Variants in PCDHGA4 observed in about 807,000 individuals in gnomAD.
PCDHGA4 encodes the protein protocadherin gamma-A4.
In PCDHGA4, 38 loss-of-function variants were observed where a neutral mutation model predicts 54.6. The ratio of observed to expected loss-of-function variants is 0.70; its 90% confidence interval spans 0.54 to 0.91. The LOEUF (loss-of-function observed/expected upper bound fraction) is 0.91, where lower values mean the gene tolerates loss of function less well. Ranked by LOEUF, PCDHGA4 falls within the 40% of genes least tolerant of loss-of-function variation. PCDHGA4 has a pLI of 0.00. For synonymous variants in PCDHGA4, 511 were observed against 512.9 expected (o/e 1.00, Z 0.05); for missense variants, 1,298 against 1,220.9 (o/e 1.06, Z -0.94).
In PCDHGA4 at chr5:141,486,092, C is replaced by A; in HGVS notation, c.2515-8715C>A. Reference sequence around the variant, plus strand: ...TACTGGAAAGCTTACTCTTTTGGGGCCCCTAGACTTTGAGAGTGAGAATTA... The same window carrying A: ...TACTGGAAAGCTTACTCTTTTGGGGACCCTAGACTTTGAGAGTGAGAATTA... On this transcript the variant is annotated intron_variant, in intron 1 of 3. Coordinates refer to ENST00000571252, the MANE Select transcript of PCDHGA4 (RefSeq NM_018917.4). The surrounding 1 kb of genome is among the most constrained non-coding windows in gnomAD (Gnocchi z 5.0). 1.9e-6 allele frequency: 3 copies of A among 1,614,148 alleles called. No individual in the cohort carries two copies. Among genetic ancestry groups the A allele is most frequent in the Non-Finnish European group, 2.5e-6 (3 of 1,180,008 alleles).
chr5:141,485,680 C>T lies in PCDHGA4; in HGVS notation c.2515-9127C>T. The T allele has an allele frequency of 6.2e-7, 1 of 1,613,966 alleles. No individual in the cohort carries two copies. Among genetic ancestry groups the T allele is most frequent in the South Asian group, 1.1e-5 (1 of 91,066 alleles). The stretch of plus-strand genomic sequence containing the variant: ...ATGTGGGGAGCAATTCGATTAGCAG[C>T]TATAGGCTGAGCTCCAATGAACACT... On this transcript the variant is annotated intron_variant, in intron 1 of 3. Coordinates refer to ENST00000571252, the MANE Select transcript of PCDHGA4 (RefSeq NM_018917.4). The surrounding 1 kb of genome is among the most constrained non-coding windows in gnomAD (Gnocchi z 5.7).
chr5:141,391,780 T>C (rs1004185174), intron 1 of PCDHGA4: 1 of 152,220 alleles, frequency 6.6e-6, no homozygotes, highest in Non-Finnish European at 1.5e-5. Context: ...TAGTCATTAC[T>C]TTTTGCAGTT....
At chr5:141,468,849 G>C (rs1349849817) in intron 1 of PCDHGA4, among the ~76,000 whole-genome samples, 2 of 152,058 alleles carry the variant, frequency 1.3e-5, no homozygotes, top group East Asian at 3.9e-4. Flanking sequence ...CTGGGCAACA[G>C]AGCGAGACTC....
intron 1 of PCDHGA4, chr5:141,390,073 G>C: frequency 6.2e-7 from 1 of 1,614,074 alleles, no homozygotes; most frequent in Non-Finnish European, 8.5e-7. Context: ...CCTGGTCTCT[G>C]TGTTAAATCC....
chr5:141,465,801 C>T (rs1380215288), intron 1 of PCDHGA4, among the ~76,000 whole-genome samples: 2 of 151,400 alleles, frequency 1.3e-5, no homozygotes, highest in Non-Finnish European at 2.9e-5. Context: ...TTAAGAAACC[C>T]TTCAGGATCT....
At chr5:141,452,760 G>C (rs920853226) in intron 1 of PCDHGA4, among the ~76,000 whole-genome samples, 1 of 152,120 alleles carries the variant, frequency 6.6e-6, no homozygotes, top group African/African-American at 2.4e-5. Context: ...AAGGAAGGGA[G>C]GGAGGGAAAA....
Position 141,355,852 on chromosome 5 carries a change from G to A in PCDHGA4, c.745G>A (p.Gly249Ser), listed in dbSNP as rs769137645. 1 of 1,612,424 alleles carries A rather than the reference G, an allele frequency of 6.2e-7. No homozygotes were observed. Among genetic ancestry groups the A allele is most frequent in the South Asian group, 1.1e-5 (1 of 90,820 alleles). ...HHLVLTAFDG[G>S]DPVRSGTARI... is the part of the protein sequence containing the mutation. ...CCTCGTTCTCACGGCCTTCGATGGA[G>A]GTGACCCGGTTCGCTCTGGCACTGC... is the stretch of plus-strand genomic sequence containing the variant. Residue 249 changes from glycine to serine, a missense_variant, in exon 1 of 4, where the codon GGT becomes AGT. Transcript: ENST00000571252.
intron 1 of PCDHGA4, among the ~76,000 whole-genome samples, chr5:141,488,839 G>A (rs954244872): frequency 2.6e-5 from 4 of 152,206 alleles, no homozygotes; most frequent in African/African-American, 9.6e-5. Flanking sequence ...CAAGGGGGCT[G>A]AATCAACCTG....
intron 1 of PCDHGA4, chr5:141,422,122 A>G (rs758254144): frequency 6.2e-7 from 1 of 1,601,596 alleles, no homozygotes; most frequent in African/African-American, 1.4e-5. Context: ...GGATTCACAA[A>G]CTGGAGAAGT....
chr5:141,483,289 A>G (rs1446467890), intron 1 of PCDHGA4, among the ~76,000 whole-genome samples: 3 of 152,194 alleles, frequency 2.0e-5, no homozygotes, highest in Admixed American at 2.0e-4. Flanking sequence ...TCTGTCAGTC[A>G]TAAGTGAAGG....
At chr5:141,376,108 G>A (rs368739165) in intron 1 of PCDHGA4, 172 of 1,613,770 alleles carry the variant, frequency 1.1e-4, no homozygotes, top group Middle Eastern at 1.0e-3. Context: ...TGGCCGACCT[G>A]GGCAGCCTCG....
intron 1 of PCDHGA4, chr5:141,399,206 C>T (rs2093769623): frequency 1.2e-6 from 2 of 1,613,908 alleles, no homozygotes; most frequent in South Asian, 2.2e-5. Flanking sequence ...GTGCCTGGAA[C>T]ACTAATTGCT....
intron 1 of PCDHGA4, among the ~76,000 whole-genome samples, chr5:141,407,131 T>C (rs1164616354): frequency 6.6e-6 from 1 of 152,226 alleles, no homozygotes; most frequent in African/African-American, 2.4e-5. Context: ...TGCTTTATTT[T>C]TAAGAAAAAA....
chr5:141,477,431 G>T lies in PCDHGA4; in HGVS notation c.2515-17376G>T. 3 of 1,614,080 alleles carry T rather than the reference G, an allele frequency of 1.9e-6. No homozygotes were observed. The highest frequency in any genetic ancestry group is 2.5e-6 in the Non-Finnish European group (3 of 1,180,012). On this transcript the variant is annotated intron_variant, in intron 1 of 3. Transcript: ENST00000571252. This position sits in a 1 kb window ranked among gnomAD's most constrained non-coding sequence, Gnocchi z 4.9. ...AGACGCCGGAACCCCTTCCCTCTCA[G>T]CCCTTACAATAGTGCGTGTTCAAGT...
At position 141,477,130 on chromosome 5, in the gene PCDHGA4, G is replaced by C; in HGVS notation, c.2515-17677G>C. On this transcript the variant is annotated intron_variant, in intron 1 of 3. Coordinates refer to ENST00000571252, the MANE Select transcript of PCDHGA4 (RefSeq NM_018917.4). The surrounding 1 kb of genome is among the most constrained non-coding windows in gnomAD (Gnocchi z 4.9). ...ATCCCGAAGGAGCACATTGCAAAGT[G>C]TTGGTGGAGGTTGTGGATGTGAATG... 6.2e-7 allele frequency: 1 copy of C among 1,614,252 alleles called. No individual in the cohort carries two copies. The highest frequency in any genetic ancestry group is 2.2e-5 in the East Asian group (1 of 44,888).
rs746696159 is a variant in PCDHGA4 at position 141,383,050 on chromosome 5, G to T, written c.2514+25429G>T. 23 of 1,613,778 alleles carry T rather than the reference G, an allele frequency of 1.4e-5. No individual in the cohort carries two copies. The Admixed American group carries it at 1.7e-4, about 12-fold the overall frequency. ...GTCCTTTGTGGGAGACATCGCCAAG[G>T]ACCTGGGGCTGGAGCCCCGGGAGCT... On this transcript the variant is annotated intron_variant, in intron 1 of 3. Transcript: ENST00000571252.
intron 1 of PCDHGA4, chr5:141,361,490 T>C (rs775139870): frequency 6.2e-7 from 1 of 1,613,998 alleles, no homozygotes; most frequent in Non-Finnish European, 8.5e-7. Context: ...GCCCCAGTTT[T>C]CCAACAGACT....
chr5:141,483,870 G>C (rs548525439), intron 1 of PCDHGA4, among the ~76,000 whole-genome samples: 9 of 152,142 alleles, frequency 5.9e-5, no homozygotes, highest in Non-Finnish European at 1.3e-4. Context: ...TCCAGATCAG[G>C]ATGGATTTTT....
intron 1 of PCDHGA4, chr5:141,361,599 C>T (rs765204837): frequency 6.2e-7 from 1 of 1,614,058 alleles, no homozygotes; most frequent in Non-Finnish European, 8.5e-7. Flanking sequence ...GCCAAGTTTC[C>T]TACTCCATCG....
Sources: allele counts gnomAD v4.1 joint callset (sites outside exome capture counted in the v4.1 genomes callset), GRCh38; gene constraint gnomAD v4.1.1; non-coding constraint Gnocchi (gnomAD v3.1); transcripts MANE v1.5; gene names NCBI Gene and HGNC (gene_info 2026-07-23, HGNC 2026-07-21).